CNTN4: variants seen among roughly 807,000 people sequenced by gnomAD.
CNTN4 encodes contactin 4.
A neutral mutation model predicts 122.5 loss-of-function variants in CNTN4; 77 were observed. That is an observed-to-expected ratio of 0.63 (90% confidence interval 0.52 to 0.76). The LOEUF is 0.76. Ranked by LOEUF, CNTN4 falls within the 30% of genes least tolerant of loss-of-function variation. CNTN4 has a pLI of 0.00. For synonymous variants in CNTN4, 512 were observed against 447.0 expected (o/e 1.15, Z -1.83); for missense variants, 1,256 against 1,259.1 (o/e 1.00, Z 0.04).
chr3:2,171,259 A>C (rs993795529), intron 2 of CNTN4, among the ~76,000 whole-genome samples: 1 of 152,206 alleles, frequency 6.6e-6, no homozygotes, highest in Non-Finnish European at 1.5e-5. Context: ...AAATAACTTT[A>C]AATAATGATA....
intron 13 of CNTN4, among the ~76,000 whole-genome samples, chr3:2,961,676 C>CACA (rs1185047590): frequency 2.6e-5 from 4 of 151,710 alleles, no homozygotes; most frequent in Non-Finnish European, 1.5e-5. Flanking sequence ...TGAAGTCACA[C>CACA]ACAACAACAC....
At chr3:2,638,548 T>G (rs1020355592) in intron 4 of CNTN4, among the ~76,000 whole-genome samples, 8 of 152,202 alleles carry the variant, frequency 5.3e-5, no homozygotes, top group Non-Finnish European at 1.0e-4. Flanking sequence ...TTTTTAAAAC[T>G]GCAATAATCA....
At chr3:2,279,219 C>T (rs1328031545) in intron 2 of CNTN4, among the ~76,000 whole-genome samples, 1 of 151,998 alleles carries the variant, frequency 6.6e-6, no homozygotes, top group Admixed American at 6.5e-5. Flanking sequence ...TAATGAGGGG[C>T]TGGATAATTG....
intron 3 of CNTN4, among the ~76,000 whole-genome samples, chr3:2,482,844 C>T (rs574675502): frequency 1.8e-4 from 27 of 152,152 alleles, no homozygotes; most frequent in Non-Finnish European, 3.4e-4. Flanking sequence ...ATGGAAATGC[C>T]TGGATGTTCA....
intron 3 of CNTN4, among the ~76,000 whole-genome samples, chr3:2,415,221 C>T (rs764222963): frequency 2.0e-5 from 3 of 152,126 alleles, no homozygotes; most frequent in African/African-American, 7.2e-5. Flanking sequence ...TTATGTGGCT[C>T]CTCGCTTTAG....
intron 2 of CNTN4, among the ~76,000 whole-genome samples, chr3:2,111,008 C>T (rs916644397): frequency 6.6e-6 from 1 of 152,134 alleles, no homozygotes; most frequent in Non-Finnish European, 1.5e-5. Context: ...AAATCCTGTG[C>T]TTAGAATACA....
chr3:2,494,027 G>A (rs951755883), intron 3 of CNTN4, among the ~76,000 whole-genome samples: 2 of 151,172 alleles, frequency 1.3e-5, no homozygotes, highest in Non-Finnish European at 2.9e-5. Flanking sequence ...TGTTTATTAG[G>A]ATTTTTTTTT....
At chr3:2,868,263 G>T (rs1249642501) in intron 8 of CNTN4, among the ~76,000 whole-genome samples, 1 of 152,032 alleles carries the variant, frequency 6.6e-6, no homozygotes, top group African/African-American at 2.4e-5. Flanking sequence ...TTTGCAGACG[G>T]GGAAACTGGG....
chr3:2,263,736 C>G (rs1523315), intron 2 of CNTN4, among the ~76,000 whole-genome samples: 1 of 151,790 alleles, frequency 6.6e-6, no homozygotes, highest in Admixed American at 6.6e-5. Context: ...TTTCTTCTAT[C>G]TGACTATATT....
At chr3:2,345,053 C>A (rs2044349544) in intron 3 of CNTN4, among the ~76,000 whole-genome samples, 1 of 152,142 alleles carries the variant, frequency 6.6e-6, no homozygotes, top group African/African-American at 2.4e-5. Flanking sequence ...ACAGAGCTTT[C>A]CCTGGCAGAG....
At chr3:2,996,381 G>A (rs1242252491) in intron 14 of CNTN4, among the ~76,000 whole-genome samples, 2 of 152,142 alleles carry the variant, frequency 1.3e-5, no homozygotes, top group African/African-American at 4.8e-5. Flanking sequence ...CAGACAGGAG[G>A]TCTGTTTTTT....
chr3:2,920,301 G>A lies in CNTN4; in HGVS notation c.1208-5328G>A, dbSNP rs1341921363. Among the ~76,000 whole-genome samples, 2 of 40,194 alleles carry A rather than the reference G, an allele frequency of 5.0e-5. 1 individual carries two copies. The highest frequency in any genetic ancestry group is 1.1e-4 in the Non-Finnish European group (2 of 17,948). 26.4% of individuals were successfully genotyped at this position (40,194 alleles called of 152,430 possible). On this transcript the variant is annotated intron_variant, in intron 12 of 24. Transcript: ENST00000418658. ...AGTGGTTTCCAGGAGTTACAGAGGG[G>A]AGGTAGAAGGAGGCTGGATATGACT...
intron 6 of CNTN4, among the ~76,000 whole-genome samples, chr3:2,775,020 C>A (rs1342582474): frequency 6.6e-6 from 1 of 152,196 alleles, no homozygotes; most frequent in Non-Finnish European, 1.5e-5. Context: ...GTTCACCCAG[C>A]AGCCTGCTGG....
Position 2,440,815 on chromosome 3 carries a change from A to G in CNTN4, c.-89+101582A>G, listed in dbSNP as rs188388432. The stretch of plus-strand genomic sequence containing the variant: ...TCATACATATATAACAAATATATTC[A>G]TACATATATAACTATATATATTTTA... On this transcript the variant is annotated intron_variant, in intron 3 of 24. Coordinates refer to ENST00000418658, the MANE Select transcript of CNTN4 (RefSeq NM_175607.3). Among the ~76,000 whole-genome samples the G allele has an allele frequency of 3.7e-3, 543 of 148,260 alleles. 1 individual carries two copies. The highest frequency in any genetic ancestry group is 7.5e-3 in the African/African-American group (307 of 40,846).
chr3:2,359,790 C>T (rs10212282), intron 3 of CNTN4, among the ~76,000 whole-genome samples: 1 of 152,148 alleles, frequency 6.6e-6, no homozygotes, highest in Non-Finnish European at 1.5e-5. Flanking sequence ...CCACCCGCCT[C>T]GGCCTCCCAA....
chr3:2,408,731 T>A (rs953919277), intron 3 of CNTN4, among the ~76,000 whole-genome samples: 1 of 152,158 alleles, frequency 6.6e-6, no homozygotes, highest in Non-Finnish European at 1.5e-5. Context: ...TATTTATCAA[T>A]ACTAGGTGAA....
At chr3:2,303,073 T>G (rs957737766) in intron 2 of CNTN4, among the ~76,000 whole-genome samples, 1 of 152,222 alleles carries the variant, frequency 6.6e-6, no homozygotes, top group Non-Finnish European at 1.5e-5. Flanking sequence ...GTATGAAGTA[T>G]AGATACTGTT....
chr3:2,260,931 A>G (rs1043674600), intron 2 of CNTN4, among the ~76,000 whole-genome samples: 7 of 151,886 alleles, frequency 4.6e-5, no homozygotes, highest in African/African-American at 1.7e-4. Flanking sequence ...AGGTTTCACC[A>G]TGTTGGCCAG....
At chr3:2,992,814 C>T (rs572631085) in intron 14 of CNTN4, among the ~76,000 whole-genome samples, 1 of 152,118 alleles carries the variant, frequency 6.6e-6, no homozygotes, top group Non-Finnish European at 1.5e-5. Context: ...CCAGACTATA[C>T]TTTGGGAAAC....
Sources: allele counts gnomAD v4.1 joint callset (sites outside exome capture counted in the v4.1 genomes callset), GRCh38; gene constraint gnomAD v4.1.1; transcripts MANE v1.5; gene names NCBI Gene and HGNC (gene_info 2026-07-23, HGNC 2026-07-21).